The following PCNT variants were observed in gnomAD, a reference collection of about 807,000 sequenced individuals.
PCNT encodes the protein pericentrin.
In PCNT, 319 loss-of-function variants were observed where a neutral mutation model predicts 380.4. The ratio of observed to expected loss-of-function variants is 0.84; its 90% CI spans 0.77 to 0.92. PCNT has a LOEUF of 0.92. Among genes scored for constraint, PCNT ranks in the 40% least tolerant of loss-of-function variants. The probability of loss-of-function intolerance (pLI) is 0.00; values close to 1 mark genes in which losing one functional copy is unlikely to be tolerated. For missense variants in PCNT, 4,400 were observed against 4,255.3 expected (o/e 1.03, Z -0.95); for synonymous variants, 1,845 against 1,735.2 (o/e 1.06, Z -1.57).
At chr21:46,375,194 C>A (rs535709821) in intron 15 of PCNT, among the ~76,000 whole-genome samples, 1 of 152,188 alleles carries the variant, frequency 6.6e-6, no homozygotes, top group Non-Finnish European at 1.5e-5. Flanking sequence ...GGTAACACGA[C>A]GCAGAGCTGA....
intron 43 of PCNT, among the ~76,000 whole-genome samples, chr21:46,441,675 C>T (rs1043527497): frequency 1.3e-5 from 2 of 152,180 alleles, no homozygotes; most frequent in South Asian, 4.1e-4. Context: ...ACCGTCCATC[C>T]TTCCACCCAC....
At chr21:46,376,043 G>A (rs1176650442) in intron 15 of PCNT, among the ~76,000 whole-genome samples, 6 of 152,194 alleles carry the variant, frequency 3.9e-5, no homozygotes, top group Admixed American at 3.9e-4. Flanking sequence ...GCTGCGTGCA[G>A]TGTTGGCACT....
Position 46,431,625 on chromosome 21 carries a change from G to A in PCNT, c.8161G>A (p.Glu2721Lys). ...GACGGCCAAGGACAACCTGCAGAAG[G>A]AGCTGCGTATCGAGCACTCACGCTG... ...EQTAKDNLQK[E>K]LRIEHSRCEA... The change falls in exon 38 of 47, where the codon GAG becomes AAG. Residue 2721 changes from glutamate to lysine, a missense_variant. By Grantham distance (56) the Glu-to-Lys change is moderately conservative. Transcript: ENST00000359568. 6.2e-7 allele frequency: 1 copy of A among 1,614,028 alleles called. No homozygotes were observed. Among genetic ancestry groups the A allele is most frequent in the Non-Finnish European group, 8.5e-7 (1 of 1,179,940 alleles).
At chr21:46,356,843 C>A in intron 12 of PCNT, 131 bp from the exon 13 acceptor site, 2 of 760,914 alleles carry the variant, frequency 2.6e-6, no homozygotes, top group South Asian at 1.6e-5. Context: ...ACTGAGTCAG[C>A]ACAGAGCTTG....
At chr21:46,436,315 T>TG (rs1475588837) in intron 39 of PCNT, among the ~76,000 whole-genome samples, 167 bp downstream of exon 39, 1 of 152,210 alleles carries the variant, frequency 6.6e-6, no homozygotes, top group African/African-American at 2.4e-5. Context: ...ATTGGCAAGA[T>TG]GGCATGTTCA....
chr21:46,387,691 A>G lies in PCNT; in HGVS notation c.3465-1051A>G, dbSNP rs571129426. On this transcript the variant is annotated intron_variant, in intron 17 of 46. Coordinates refer to ENST00000359568, the MANE Select transcript of PCNT (RefSeq NM_006031.6). ...TTCGGTTTCGCGGGGCCTGCACGAC[A>G]CTGCCTCCCGTTGTCACCTCACGGT... 1.2e-4 allele frequency among the ~76,000 whole-genome samples: 18 copies of G among 152,128 alleles called. No individual in the cohort carries two copies. The South Asian group carries it at 2.5e-3, about 21-fold the overall frequency.
At position 46,432,042 on chromosome 21, in the gene PCNT, T is replaced by C. The variant is rs2147987435; in HGVS notation, c.8578T>C (p.Ser2860Pro). 6.2e-7 allele frequency: 1 copy of C among 1,613,774 alleles called. No individual in the cohort carries two copies. Among genetic ancestry groups the C allele is most frequent in the East Asian group, 2.2e-5 (1 of 44,860 alleles). The change falls in exon 38 of 47, where the codon TCT becomes CCT. Residue 2860 changes from serine to proline, a missense_variant. Coordinates refer to ENST00000359568, the MANE Select transcript of PCNT (RefSeq NM_006031.6). ...CACCCAAAAACGAGAGCTGAGATGCTCTCTGGAGAGAGAGAGGGAGAAACC... is the reference window on the plus strand; with the variant it reads ...CACCCAAAAACGAGAGCTGAGATGCCCTCTGGAGAGAGAGAGGGAGAAACC... ...LHTQKRELRCSLEREREKPAW... is the reference protein window; with the variant it reads ...LHTQKRELRCPLEREREKPAW...
At chr21:46,343,731 T>C (rs1473459476) in intron 3 of PCNT, among the ~76,000 whole-genome samples, 1 of 152,232 alleles carries the variant, frequency 6.6e-6, no homozygotes, top group African/African-American at 2.4e-5. Flanking sequence ...AGAATTCAGC[T>C]GTGAATCCCT....
rs542877390 is a variant in PCNT, at chr21:46,395,080, G to A, written c.4217-2185G>A. Reference sequence around the variant, plus strand: ...CAGCTGCCCTCAGGCCTCGCCGCACGTCTCAGGTTGTGAATGTTACCGCAG... The same window carrying A: ...CAGCTGCCCTCAGGCCTCGCCGCACATCTCAGGTTGTGAATGTTACCGCAG... On this transcript the variant is annotated intron_variant, in intron 21 of 46. Coordinates refer to ENST00000359568, the MANE Select transcript of PCNT (RefSeq NM_006031.6). 1.0e-3 allele frequency among the ~76,000 whole-genome samples: 154 copies of A among 152,360 alleles called. 3 individuals carry two copies. In the South Asian group the frequency reaches 0.017, roughly 17 times the overall value.
At chr21:46,341,277 T>G (rs376372088) in intron 3 of PCNT, among the ~76,000 whole-genome samples, 18 of 152,112 alleles carry the variant, frequency 1.2e-4, no homozygotes, top group East Asian at 7.7e-4. Flanking sequence ...GGATCTTTTT[T>G]TGGTTCCTTG....
In PCNT at chr21:46,334,585, A is replaced by G. The variant is rs2083672266; in HGVS notation, c.456A>G (p.Pro152=). 1 of 1,574,162 alleles carries G rather than the reference A, an allele frequency of 6.4e-7. No homozygotes were observed. Among genetic ancestry groups the G allele is most frequent in the African/African-American group, 1.3e-5 (1 of 74,324 alleles). ...GGATGTTCACAGTCAGTGACCACCCACCAGAACAGCATGGGATGTTCACAG... is the reference window on the plus strand; with the variant it reads ...GGATGTTCACAGTCAGTGACCACCCGCCAGAACAGCATGGGATGTTCACAG... ...QRGMFTVSDH[P]PEQHGMFTVS... The change falls in exon 3 of 47, where the codon CCA becomes CCG. Residue 152 remains proline, a synonymous_variant. Coordinates refer to ENST00000359568, the MANE Select transcript of PCNT (RefSeq NM_006031.6).
At chr21:46,393,658 C>T (rs935822750) in intron 21 of PCNT, among the ~76,000 whole-genome samples, 5 of 152,236 alleles carry the variant, frequency 3.3e-5, no homozygotes, top group East Asian at 1.9e-4. Context: ...TTCTGTTGAA[C>T]GGCCCGGTGA....
At chr21:46,385,486 C>A (rs1383682810) in intron 16 of PCNT, among the ~76,000 whole-genome samples, 1 of 152,240 alleles carries the variant, frequency 6.6e-6, no homozygotes, top group South Asian at 2.1e-4. Context: ...GCCTCAGGTT[C>A]CACCTGGGGA....
intron 6 of PCNT, among the ~76,000 whole-genome samples, chr21:46,348,533 C>G (rs1421237523): frequency 6.6e-6 from 1 of 152,190 alleles, no homozygotes; most frequent in Non-Finnish European, 1.5e-5. Flanking sequence ...CTGGATGCTT[C>G]TGCTTTTCTG....
Position 46,411,398 on chromosome 21 carries a change from G to T in PCNT, c.5325G>T (p.Leu1775=). The T allele has an allele frequency of 6.2e-7, 1 of 1,613,698 alleles. No individual in the cohort carries two copies. Among genetic ancestry groups the T allele is most frequent in the Non-Finnish European group, 8.5e-7 (1 of 1,180,012 alleles). Residue 1775 remains leucine (L), a synonymous_variant, in exon 28 of 47, where the codon CTG becomes CTT. Coordinates refer to ENST00000359568, the MANE Select transcript of PCNT (RefSeq NM_006031.6). ...DSQAGSLQSE[L]LCSQAGGPRG... ...AGGCTGGCAGTCTGCAGAGCGAGCTGCTCTGCTCCCAGGCCGGGGGCCCTC... is the reference window on the plus strand; with the variant it reads ...AGGCTGGCAGTCTGCAGAGCGAGCTTCTCTGCTCCCAGGCCGGGGGCCCTC...
At chr21:46,361,224 AAAAAT>A (rs1285628823) in intron 13 of PCNT, among the ~76,000 whole-genome samples, 3 of 152,058 alleles carry the variant, frequency 2.0e-5, no homozygotes, top group Non-Finnish European at 4.4e-5. Context: ...GTCTTTACTA[AAAAAT>A]AAAATAAAAA....
At chr21:46,387,547 G>A (rs992737452) in intron 17 of PCNT, among the ~76,000 whole-genome samples, 7 of 152,170 alleles carry the variant, frequency 4.6e-5, no homozygotes, top group South Asian at 2.1e-4. Context: ...GGCTGCAGAC[G>A]CCCTGATGCC....
At chr21:46,372,588 G>C (rs1374671516) in intron 15 of PCNT, among the ~76,000 whole-genome samples, 1 of 152,176 alleles carries the variant, frequency 6.6e-6, no homozygotes, top group African/African-American at 2.4e-5. Context: ...GCAAATTTTA[G>C]GTGATTATGG....
intron 35 of PCNT, 149 bp from the exon 36 acceptor site, chr21:46,429,861 C>A: frequency 1.5e-6 from 1 of 660,748 alleles, no homozygotes; most frequent in South Asian, 1.9e-5. Flanking sequence ...CCTGGTTCCA[C>A]CCGCAGTGAA....
Sources: gnomAD v4.1 joint callset for allele counts (sites outside exome capture counted in the v4.1 genomes callset) on GRCh38, gnomAD v4.1.1 for gene constraint, MANE v1.5 for transcripts, NCBI Gene and HGNC (gene_info 2026-07-23, HGNC 2026-07-21) for gene names.